Variants in KNTC1 observed in about 807,000 individuals in gnomAD.
The protein encoded by KNTC1 is kinetochore associated 1, also known as kinetochore-associated protein 1.
KNTC1 carries 253 observed loss-of-function variants against 314.4 expected under a neutral mutation model. That is an observed-to-expected ratio of 0.80 (90% CI 0.73 to 0.89). The LOEUF is 0.89. Among genes scored for constraint, KNTC1 ranks in the 40% least tolerant of loss-of-function variants. The probability of loss-of-function intolerance (pLI) is 0.00; values close to 1 mark genes in which losing one functional copy is unlikely to be tolerated. For missense variants in KNTC1, 2,475 were observed against 2,572.9 expected (o/e 0.96, Z 0.82); for synonymous variants, 901 against 901.4 (o/e 1.00, Z 0.01).
rs533400404 is a variant in KNTC1 at position 122,591,354 on chromosome 12, C to T, written c.4146C>T (p.Gly1382=). Residue 1382 remains glycine (G), a synonymous_variant, in exon 42 of 64, where the codon GGC becomes GGT. Coordinates refer to ENST00000333479, the MANE Select transcript of KNTC1 (RefSeq NM_014708.6). ...YDKILAISLV[G]SELASLYQEI... is the part of the protein sequence containing the mutation. ...TTTTTTAGGCAATATCTCTGGTGGG[C>T]TCTGAGCTGGCAAGTCTCTATCAGG... 6.2e-7 allele frequency: 1 copy of T among 1,603,878 alleles called. No homozygotes were observed. The highest frequency in any genetic ancestry group is 8.5e-7 in the Non-Finnish European group (1 of 1,170,812).
Position 122,588,825 on chromosome 12 carries a change from T to G in KNTC1, c.3999+9T>G. The G allele has an allele frequency of 6.7e-7, 1 of 1,495,022 alleles. No individual in the cohort carries two copies. The highest frequency in any genetic ancestry group is 1.8e-4 in the Middle Eastern group (1 of 5,712). 92.6% of individuals were successfully genotyped at this position (1,495,022 alleles called of 1,614,324 possible). A position where few individuals can be genotyped will look rare whatever the true frequency, so the allele number is the denominator to read the frequency against. On this transcript the variant is annotated intron_variant, in intron 40 of 63. Transcript: ENST00000333479. ...CAACACTACTGCACAAAGTAAGTATTTGTTCTGGGTAAAAATTTTGTTTGT... is the reference window on the plus strand; with the variant it reads ...CAACACTACTGCACAAAGTAAGTATGTGTTCTGGGTAAAAATTTTGTTTGT...
intron 48 of KNTC1, among the ~76,000 whole-genome samples, 174 bp from the exon 49 acceptor site, chr12:122,604,390 A>G (rs540699133): frequency 8.7e-4 from 132 of 151,710 alleles, no homozygotes; most frequent in African/African-American, 3.1e-3. Flanking sequence ...CAGGTGATCC[A>G]CTTGCCTTGG....
chr12:122,573,771 T>A (rs1447654921), intron 26 of KNTC1, among the ~76,000 whole-genome samples: 1 of 152,190 alleles, frequency 6.6e-6, no homozygotes, highest in African/African-American at 2.4e-5. Context: ...AAAATTCTTT[T>A]GAGTTTCTGA....
At chr12:122,557,989 G>A (rs941439160) in intron 18 of KNTC1, among the ~76,000 whole-genome samples, 2 of 152,162 alleles carry the variant, frequency 1.3e-5, no homozygotes, top group Non-Finnish European at 2.9e-5. Flanking sequence ...GGTGGCTCAC[G>A]CCTTAATCCC....
chr12:122,583,724 G>T (rs1868790132), intron 34 of KNTC1, among the ~76,000 whole-genome samples: 1 of 152,120 alleles, frequency 6.6e-6, no homozygotes, highest in African/African-American at 2.4e-5. Flanking sequence ...TACTCGGGAG[G>T]CTGAGGCAGG....
At chr12:122,553,189 G>A (rs1963317225) in intron 16 of KNTC1, among the ~76,000 whole-genome samples, 1 of 151,852 alleles carries the variant, frequency 6.6e-6, no homozygotes, top group Non-Finnish European at 1.5e-5. Flanking sequence ...GAATATAGTG[G>A]GTGGAATCAG....
chr12:122,548,470 G>A (rs1364365628), intron 12 of KNTC1, among the ~76,000 whole-genome samples: 2 of 151,914 alleles, frequency 1.3e-5, no homozygotes, highest in African/African-American at 2.4e-5. Flanking sequence ...TCGGCCTCCC[G>A]TAGTGCTGGG....
rs770907680 is a variant in KNTC1 at position 122,557,672 on chromosome 12, A to C, written c.1471A>C (p.Asn491His). The change falls in exon 18 of 64, where the codon AAT becomes CAT. Residue 491 changes from asparagine (N) to histidine (H), a missense_variant. Asn to His is a moderately conservative substitution (Grantham distance 68, BLOSUM62 1). Coordinates refer to ENST00000333479, the MANE Select transcript of KNTC1 (RefSeq NM_014708.6). ...ITYETTQEML[N>H]YAKTRLLKKE... ...CTATGAAACCACTCAAGAGATGCTG[A>C]ATTATGCCAAAACCAGGGTAGGTTC... 6.2e-7 allele frequency: 1 copy of C among 1,612,758 alleles called. No homozygotes were observed. Among genetic ancestry groups the C allele is most frequent in the Non-Finnish European group, 8.5e-7 (1 of 1,179,422 alleles).
In KNTC1 at chr12:122,588,751, G is replaced by A. The variant is rs370647423; in HGVS notation, c.3934G>A (p.Val1312Ile). The part of the protein sequence containing the change: ...ETTLVKSRHV[V>I]MELKEKAVIF... Reference sequence around the variant, plus strand: ...TACATTAGTTAAATCAAGGCATGTTGTTATGGAATTGAAAGAAAAAGCTGT... The same window carrying A: ...TACATTAGTTAAATCAAGGCATGTTATTATGGAATTGAAAGAAAAAGCTGT... The change falls in exon 40 of 64, where the codon GTT becomes ATT. Residue 1312 changes from valine (V) to isoleucine (I), a missense_variant. Coordinates refer to ENST00000333479, the MANE Select transcript of KNTC1 (RefSeq NM_014708.6). 1 of 1,560,328 alleles carries A rather than the reference G, an allele frequency of 6.4e-7. No individual in the cohort carries two copies. The highest frequency in any genetic ancestry group is 1.2e-5 in the South Asian group (1 of 82,236).
intron 32 of KNTC1, 27 bp downstream of exon 32, chr12:122,580,004 TCA>T: frequency 6.8e-7 from 1 of 1,477,996 alleles, no homozygotes; most frequent in Non-Finnish European, 9.5e-7. Context: ...TTTTCTCATC[TCA>T]GTTTTGTTCC....
At chr12:122,532,751 G>C (rs1220713768) in intron 2 of KNTC1, among the ~76,000 whole-genome samples, 1 of 152,090 alleles carries the variant, frequency 6.6e-6, no homozygotes, top group East Asian at 1.9e-4. Context: ...TTCCTTTTAG[G>C]ATCTTACCTT....
In KNTC1 at chr12:122,584,260, A is replaced by C; in HGVS notation, c.3264-18A>C. On this transcript the variant is annotated intron_variant, in intron 34 of 63. Coordinates refer to ENST00000333479, the MANE Select transcript of KNTC1 (RefSeq NM_014708.6). Reference sequence around the variant, plus strand: ...CAATGTGAGTATTCTAACTACCAATACTTTCTTTCTTCCAAAGCGACTTGT... The same window carrying C: ...CAATGTGAGTATTCTAACTACCAATCCTTTCTTTCTTCCAAAGCGACTTGT... 1 of 1,587,762 alleles carries C rather than the reference A, an allele frequency of 6.3e-7. No homozygotes were observed. Among genetic ancestry groups the C allele is most frequent in the South Asian group, 1.1e-5 (1 of 88,622 alleles).
At chr12:122,550,432 A>T (rs1049112986) in intron 13 of KNTC1, among the ~76,000 whole-genome samples, 1 of 151,154 alleles carries the variant, frequency 6.6e-6, no homozygotes, top group Admixed American at 6.6e-5. Flanking sequence ...TGGGCCAATT[A>T]CTTTAAAGCT....
intron 26 of KNTC1, among the ~76,000 whole-genome samples, 166 bp downstream of exon 26, chr12:122,573,451 C>CA (rs1964824413): frequency 6.6e-6 from 1 of 152,066 alleles, no homozygotes; most frequent in South Asian, 2.1e-4. Context: ...CCATCTTGAG[C>CA]AAAGGGGGGA....
chr12:122,577,299 A>G (rs1348156591), intron 30 of KNTC1, among the ~76,000 whole-genome samples: 1 of 152,134 alleles, frequency 6.6e-6, no homozygotes, highest in Non-Finnish European at 1.5e-5. Flanking sequence ...TAATCATAGC[A>G]ATGCCTAGGA....
chr12:122,604,433 C>T (rs1872350896), intron 48 of KNTC1, 131 bp from the exon 49 acceptor site: 1 of 458,840 alleles, frequency 2.2e-6, no homozygotes, highest in Non-Finnish European at 3.8e-6. Flanking sequence ...AAATATGAGC[C>T]ACTGTGCCCA....
At chr12:122,616,266 CTT>C (rs398056023) in intron 57 of KNTC1, among the ~76,000 whole-genome samples, 14 of 142,816 alleles carry the variant, frequency 9.8e-5, no homozygotes, top group East Asian at 2.0e-4. Context: ...TAGAGATTTC[CTT>C]TTTTTTTTTT....
chr12:122,533,474 C>T (rs1177876490), intron 2 of KNTC1, among the ~76,000 whole-genome samples: 4 of 152,044 alleles, frequency 2.6e-5, no homozygotes, highest in African/African-American at 4.8e-5. Context: ...ATGGAAGGAT[C>T]GTTTGAGTCC....
At chr12:122,598,087 C>G in intron 44 of KNTC1, 149 bp downstream of exon 44, 1 of 668,770 alleles carries the variant, frequency 1.5e-6, no homozygotes, top group Non-Finnish European at 2.5e-6. Context: ...ATTTTTAACA[C>G]AGTTAAATAC....
Sources: allele counts gnomAD v4.1 joint callset (sites outside exome capture counted in the v4.1 genomes callset), GRCh38; gene constraint gnomAD v4.1.1; transcripts MANE v1.5; gene names NCBI Gene and HGNC (gene_info 2026-07-23, HGNC 2026-07-21).